The following SNTG2 variants were observed in gnomAD, a reference collection of about 807,000 sequenced individuals.
SNTG2 encodes gamma-2-syntrophin.
SNTG2 carries 74 observed loss-of-function variants against 70.9 expected under a neutral mutation model. The observed-to-expected ratio is 1.04, with a 90% CI of 0.86 to 1.27. SNTG2 has a LOEUF of 1.27. SNTG2 is among the 50% of genes most tolerant of loss of function. The pLI, the probability that SNTG2 is intolerant of heterozygous loss-of-function variation, is 0.00. For missense variants in SNTG2, 717 were observed against 690.7 expected, an observed-to-expected ratio of 1.04 and a Z score of -0.43; for synonymous variants, 278 against 273.8, an observed-to-expected ratio of 1.02 and a Z score of -0.15.
chr2:1,192,239 G>C (rs1400424135), intron 8 of SNTG2, among the ~76,000 whole-genome samples: 1 of 152,150 alleles, frequency 6.6e-6, no homozygotes, highest in African/African-American at 2.4e-5. Flanking sequence ...TTTCACGGCT[G>C]TGTTTTCTGT....
Position 1,194,950 on chromosome 2 carries a change from T to C in SNTG2, c.592-14153T>C, listed in dbSNP as rs1672816249. On this transcript the variant is annotated intron_variant, in intron 8 of 16. Transcript: ENST00000308624. Reference sequence around the variant, plus strand: ...TGTCCATGTGTTCTCATTGTTCAACTCCCACTTGTGAGTGAGAACATGCAG... The same window carrying C: ...TGTCCATGTGTTCTCATTGTTCAACCCCCACTTGTGAGTGAGAACATGCAG... Among the ~76,000 whole-genome samples, 2 of 152,196 alleles carry C rather than the reference T, an allele frequency of 1.3e-5. 1 individual carries two copies.
chr2:1,358,393 A>G (rs941570543), intron 16 of SNTG2, among the ~76,000 whole-genome samples: 2 of 137,972 alleles, frequency 1.4e-5, no homozygotes, highest in Non-Finnish European at 3.2e-5. Context: ...TTTTTTTTGT[A>G]CTAACTTTGA....
intron 14 of SNTG2, among the ~76,000 whole-genome samples, chr2:1,306,679 GGTGTGA>G (rs1680686007): frequency 2.6e-5 from 2 of 76,646 alleles, no homozygotes; most frequent in South Asian, 1.3e-3. Context: ...CCTCGGCCAG[GGTGTGA>G]GTGTGTGTGT....
At chr2:1,277,330 C>A (rs1679309222) in intron 14 of SNTG2, among the ~76,000 whole-genome samples, 1 of 152,168 alleles carries the variant, frequency 6.6e-6, no homozygotes, top group African/African-American at 2.4e-5. Flanking sequence ...ACAGCCGCTC[C>A]AACCTTCAGC....
chr2:1,012,587 A>ATGGGC (rs1659763197), intron 1 of SNTG2, among the ~76,000 whole-genome samples: 1 of 146,362 alleles, frequency 6.8e-6, no homozygotes. Flanking sequence ...AAGGATTTAT[A>ATGGGC]AGGGCAGAGA....
intron 16 of SNTG2, among the ~76,000 whole-genome samples, chr2:1,337,033 A>C (rs1253962949): frequency 6.6e-6 from 1 of 152,100 alleles, no homozygotes; most frequent in Non-Finnish European, 1.5e-5. Context: ...TGAATCTATA[A>C]ATTGCTTTGG....
intron 1 of SNTG2, among the ~76,000 whole-genome samples, chr2:1,040,585 A>G (rs1426878383): frequency 6.6e-6 from 1 of 152,174 alleles, no homozygotes. Flanking sequence ...ATCCACATTG[A>G]TCTACCAAAC....
intron 8 of SNTG2, among the ~76,000 whole-genome samples, chr2:1,189,294 AAG>A (rs1215160816): frequency 2.0e-5 from 3 of 152,186 alleles, no homozygotes; most frequent in South Asian, 2.1e-4. Context: ...CCTAAATATG[AAG>A]AGTCTTCCAA....
At chr2:1,015,529 C>G (rs1345630565) in intron 1 of SNTG2, among the ~76,000 whole-genome samples, 2 of 152,054 alleles carry the variant, frequency 1.3e-5, no homozygotes, top group African/African-American at 4.8e-5. Flanking sequence ...GAAAAAAATC[C>G]CGTGGTACAG....
intron 1 of SNTG2, among the ~76,000 whole-genome samples, chr2:1,054,489 A>C (rs1324732231): frequency 2.0e-5 from 3 of 152,218 alleles, no homozygotes; most frequent in African/African-American, 7.2e-5. Flanking sequence ...AGGAAATCCC[A>C]AGCTCCTACT....
intron 8 of SNTG2, among the ~76,000 whole-genome samples, chr2:1,207,352 T>C (rs1327625595): frequency 6.6e-6 from 1 of 152,188 alleles, no homozygotes; most frequent in Non-Finnish European, 1.5e-5. Flanking sequence ...CTATTGGCCA[T>C]GGAATTAATA....
intron 9 of SNTG2, among the ~76,000 whole-genome samples, chr2:1,222,127 C>T (rs1553362364): frequency 1.7e-5 from 2 of 115,404 alleles, no homozygotes; most frequent in Admixed American, 9.1e-5. Context: ...CTCTCTCTGT[C>T]TCTCTCTGTC....
In SNTG2 at chr2:1,197,163, T is replaced by C. The variant is rs116800779; in HGVS notation, c.592-11940T>C. On this transcript the variant is annotated intron_variant, in intron 8 of 16. Coordinates refer to ENST00000308624, the MANE Select transcript of SNTG2 (RefSeq NM_018968.4). ...TGAATTAAATTTCCCACTTAAAAGA[T>C]ACAGACTGGATTAATAGGTACAACA... is the stretch of plus-strand genomic sequence containing the variant. 7.2e-3 allele frequency among the ~76,000 whole-genome samples: 1,102 copies of C among 152,178 alleles called. 14 individuals carry two copies. Among genetic ancestry groups the C allele is most frequent in the African/African-American group, 0.025 (1,033 of 41,546 alleles).
chr2:1,182,074 G>T (rs1322886512), intron 8 of SNTG2, among the ~76,000 whole-genome samples: 1 of 152,166 alleles, frequency 6.6e-6, no homozygotes, highest in African/African-American at 2.4e-5. Flanking sequence ...TTCAAAGGGT[G>T]CATAGAGGGC....
chr2:1,349,536 A>T (rs912191051), intron 16 of SNTG2, among the ~76,000 whole-genome samples: 6 of 152,234 alleles, frequency 3.9e-5, no homozygotes, highest in African/African-American at 1.4e-4. Context: ...GGCTGTTATC[A>T]TCCTTGCTTT....
At chr2:1,256,871 G>A (rs1481161825) in intron 12 of SNTG2, among the ~76,000 whole-genome samples, 1 of 152,166 alleles carries the variant, frequency 6.6e-6, no homozygotes, top group Non-Finnish European at 1.5e-5. Flanking sequence ...CGGCTGTCAG[G>A]AAAAGCCTCA....
At chr2:1,306,269 T>C (rs4293595) in intron 14 of SNTG2, among the ~76,000 whole-genome samples, 103,543 of 151,850 alleles carry the variant, frequency 0.68, 35,826 homozygotes, top group African/African-American at 0.81. Flanking sequence ...GTTGGCTGGA[T>C]CCCCGTTTAT....
chr2:1,063,365 C>T (rs1572341275), intron 1 of SNTG2, among the ~76,000 whole-genome samples: 2 of 152,212 alleles, frequency 1.3e-5, no homozygotes, highest in South Asian at 4.1e-4. Context: ...GGAGCATTTG[C>T]CCACCAGCCC....
At chr2:1,103,379 C>CTTTTTTTTTTTTTTTTTTTTTTTTTTTT (rs758261408) in intron 4 of SNTG2, 1 of 241,158 alleles carries the variant, frequency 4.1e-6, no homozygotes, top group African/African-American at 2.5e-5. Flanking sequence ...TTATAAATTT[C>CTTTTTTTTTTTTTTTTTTTTTTTTTTTT]TTTTTTTTTT....
Sources: allele counts gnomAD v4.1 joint callset (sites outside exome capture counted in the v4.1 genomes callset), GRCh38; gene constraint gnomAD v4.1.1; transcripts MANE v1.5; gene names NCBI Gene and HGNC (gene_info 2026-07-23, HGNC 2026-07-21).